Variants in GARIN2 observed in about 807,000 individuals in gnomAD.
The protein encoded by GARIN2 is Golgi-associated RAB2 interactor protein 2.
chr14:67,203,193 A>T, the GARIN2 span: 1 of 1,613,994 alleles, frequency 6.2e-7, no homozygotes. Flanking sequence ...CCCCAATGTG[A>T]TGCTACTGGC....
the GARIN2 span, among the ~76,000 whole-genome samples, chr14:67,211,438 G>A: frequency 1.3e-5 from 2 of 152,084 alleles, no homozygotes; most frequent in African/African-American, 2.4e-5. Flanking sequence ...GAGAACTGGG[G>A]AAAAGAGCAC....
chr14:67,221,724 TA>T, the GARIN2 span: 1 of 1,601,296 alleles, frequency 6.2e-7, no homozygotes, highest in South Asian at 1.1e-5. Flanking sequence ...AGATCTTTTC[TA>T]AATATTTGTG....
the GARIN2 span, among the ~76,000 whole-genome samples, chr14:67,202,276 CCTAAAAATACAAAAATTAGCCGGG>C: frequency 6.6e-6 from 1 of 152,158 alleles, no homozygotes; most frequent in South Asian, 2.1e-4. Context: ...CCCCGTCTCT[CCTAAAAATACAAAAATTAGCCGGG>C]CTTGGTGGCA....
chr14:67,194,589 T>G, the GARIN2 span, among the ~76,000 whole-genome samples: 3 of 152,056 alleles, frequency 2.0e-5, no homozygotes, highest in Admixed American at 6.6e-5. Context: ...CACTGCAACC[T>G]CCGCCTCCCG....
At chr14:67,199,665 C>T in the GARIN2 span, 1 of 1,578,996 alleles carries the variant, frequency 6.3e-7, no homozygotes, top group Admixed American at 1.7e-5. Flanking sequence ...AACCCGCTCT[C>T]CCAGCCTGAC....
chr14:67,204,953 A>G, the GARIN2 span: 51 of 1,607,136 alleles, frequency 3.2e-5, no homozygotes, highest in Non-Finnish European at 4.1e-5. Context: ...GAGGTCCCGG[A>G]TGTAAGAATT....
the GARIN2 span, among the ~76,000 whole-genome samples, chr14:67,202,351 G>A: frequency 1.3e-5 from 2 of 152,120 alleles, no homozygotes; most frequent in Non-Finnish European, 1.5e-5. Context: ...TGAGACAGGA[G>A]AATCATTTGA....
At chr14:67,225,279 T>G in the GARIN2 span, 1 of 1,462,828 alleles carries the variant, frequency 6.8e-7, no homozygotes, top group African/African-American at 1.4e-5. Context: ...ACTTTTTAAT[T>G]ATAAGTCTCT....
the GARIN2 span, among the ~76,000 whole-genome samples, chr14:67,193,318 ATCTATATATC>A: frequency 2.1e-5 from 3 of 139,650 alleles, no homozygotes; most frequent in African/African-American, 2.6e-5. Context: ...CTATATAGAT[ATCTATATATC>A]TCTATATAGA....
chr14:67,194,394 T>C, the GARIN2 span, among the ~76,000 whole-genome samples: 1 of 151,458 alleles, frequency 6.6e-6, no homozygotes, highest in Non-Finnish European at 1.5e-5. Flanking sequence ...TAGTAAATAG[T>C]TAATGTACTT....
At chr14:67,193,118 C>A in the GARIN2 span, among the ~76,000 whole-genome samples, 57 of 138,278 alleles carry the variant, frequency 4.1e-4, no homozygotes, top group African/African-American at 1.4e-3. Flanking sequence ...ATAGATATCT[C>A]TCTATATATC....
the GARIN2 span, among the ~76,000 whole-genome samples, chr14:67,215,105 C>G: frequency 1.2e-4 from 19 of 152,110 alleles, no homozygotes; most frequent in Non-Finnish European, 2.1e-4. Context: ...AATGCACACT[C>G]AGATTTGAGA....
chr14:67,192,097 G>A, the GARIN2 span, among the ~76,000 whole-genome samples: 1 of 152,190 alleles, frequency 6.6e-6, no homozygotes, highest in Non-Finnish European at 1.5e-5. Flanking sequence ...TGCCACCCTC[G>A]CTCTGCAGCG....
the GARIN2 span, chr14:67,200,185 C>G: frequency 8.7e-7 from 1 of 1,147,960 alleles, no homozygotes; most frequent in Middle Eastern, 2.3e-4. Context: ...TATGCGTGGA[C>G]TTCCTCCACT....
the GARIN2 span, chr14:67,199,989 G>A: frequency 3.7e-6 from 4 of 1,084,922 alleles, no homozygotes; most frequent in South Asian, 4.9e-5. Context: ...CTCAGATGCA[G>A]CTGGCACACC....
chr14:67,214,279 T>A, the GARIN2 span, among the ~76,000 whole-genome samples: 4 of 152,198 alleles, frequency 2.6e-5, no homozygotes, highest in Non-Finnish European at 4.4e-5. Context: ...GGTTTTCTTT[T>A]AGGGTTTTTA....
At chr14:67,227,122 C>T in the GARIN2 span, among the ~76,000 whole-genome samples, 1 of 152,156 alleles carries the variant, frequency 6.6e-6, no homozygotes, top group Non-Finnish European at 1.5e-5. Context: ...TTATACCATA[C>T]TTAAATTTTG....
At chr14:67,209,991 G>T in the GARIN2 span, among the ~76,000 whole-genome samples, 1 of 152,020 alleles carries the variant, frequency 6.6e-6, no homozygotes, top group African/African-American at 2.4e-5. Flanking sequence ...AATAATTAAA[G>T]AAATACAAGT....
chr14:67,204,995 C>G, the GARIN2 span: 4 of 1,565,720 alleles, frequency 2.6e-6, no homozygotes, highest in African/African-American at 5.4e-5. Flanking sequence ...AGAGAAGCCA[C>G]GGAAGTCACA....
Sources: gnomAD v4.1 joint callset for allele counts (sites outside exome capture counted in the v4.1 genomes callset) on GRCh38, gnomAD v4.1.1 for gene constraint, MANE v1.5 for transcripts, NCBI Gene and HGNC (gene_info 2026-07-23, HGNC 2026-07-21) for gene names.